The following CDH26 variants were observed in gnomAD, a reference collection of about 807,000 sequenced individuals.
CDH26 encodes the protein cadherin 26.
In CDH26, 83 loss-of-function variants were observed where a neutral mutation model predicts 90.3. That is an observed-to-expected ratio of 0.92 (90% CI 0.77 to 1.10). The LOEUF is 1.10. Among genes scored for constraint, CDH26 ranks in the 50% least tolerant of loss-of-function variants. CDH26 has a pLI of 0.00. For synonymous variants in CDH26, 397 were observed against 396.3 expected, an observed-to-expected ratio of 1.00 and a Z score of -0.02; for missense variants, 1,013 against 1,037.6, an observed-to-expected ratio of 0.98 and a Z score of 0.33.
intron 17 of CDH26, among the ~76,000 whole-genome samples, chr20:60,009,439 C>T (rs1025565247): frequency 1.3e-5 from 2 of 152,238 alleles, no homozygotes; most frequent in Non-Finnish European, 2.9e-5. Context: ...CGCACACACA[C>T]GTGAACGCAT....
chr20:59,983,217 G>A (rs990885581), intron 5 of CDH26, 147 bp downstream of exon 5: 28 of 910,298 alleles, frequency 3.1e-5, no homozygotes, highest in Middle Eastern at 3.3e-4. Context: ...GGATCTGAGC[G>A]AAATGCTTTG....
intron 17 of CDH26, among the ~76,000 whole-genome samples, chr20:60,007,187 G>A (rs573010998): frequency 9.2e-5 from 14 of 152,256 alleles, no homozygotes; most frequent in African/African-American, 3.1e-4. Flanking sequence ...CAAAGGCTCC[G>A]TCTTCAAATG....
chr20:60,019,865 T>C lies in CDH26; in HGVS notation c.948-11366T>C, dbSNP rs138339529. 6.7e-4 allele frequency among the ~76,000 whole-genome samples: 102 copies of C among 152,312 alleles called. 3 individuals are homozygous for C. The East Asian group carries it at 0.015, about 23-fold the overall frequency. Reference sequence around the variant, plus strand: ...GGAGTAGGTTTCATATGGAAAAACTTATTCATATAGATGGGTTTTGGGGTG... The same window carrying C: ...GGAGTAGGTTTCATATGGAAAAACTCATTCATATAGATGGGTTTTGGGGTG... On this transcript the variant is annotated intron_variant, in intron 7 of 8. Transcript: ENST00000370991.
chr20:59,971,140 C>T (rs753188), intron 3 of CDH26, among the ~76,000 whole-genome samples: 8,415 of 152,216 alleles, frequency 0.055, 744 homozygotes, highest in African/African-American at 0.18. Context: ...TGATTAAGTT[C>T]TGCTATAGCT....
intron 7 of CDH26, chr20:60,031,099 A>G (rs1050107134): frequency 3.1e-6 from 3 of 967,576 alleles, no homozygotes; most frequent in Non-Finnish European, 3.7e-6. Flanking sequence ...GCCATGTAGG[A>G]TAACTTCCTG....
chr20:60,003,719 A>G (rs549250142), intron 16 of CDH26, among the ~76,000 whole-genome samples: 2 of 152,344 alleles, frequency 1.3e-5, no homozygotes, highest in South Asian at 2.1e-4. Flanking sequence ...TATTGAAATA[A>G]TTTGTAAATA....
At chr20:60,003,946 A>C (rs2061708768) in intron 16 of CDH26, among the ~76,000 whole-genome samples, 1 of 152,168 alleles carries the variant, frequency 6.6e-6, no homozygotes, top group South Asian at 2.1e-4. Flanking sequence ...CCAGGCTGGA[A>C]ACTGACACGG....
Position 59,992,565 on chromosome 20 carries a change from C to T in CDH26, c.1426+45C>T. 6.2e-7 allele frequency: 1 copy of T among 1,603,330 alleles called. No homozygotes were observed. Among genetic ancestry groups the T allele is most frequent in the Non-Finnish European group, 8.5e-7 (1 of 1,170,870 alleles). ...TGGAAAAATAAAATGCTCATTCTTG[C>T]TTCCTGCGGGAAAATAACCCTGGTG... On this transcript the variant is annotated intron_variant, in intron 10 of 17. Coordinates refer to ENST00000348616, the MANE Select transcript of CDH26 (RefSeq NM_177980.4). This position sits in a 1 kb window ranked among gnomAD's most constrained non-coding sequence, Gnocchi z 5.0.
At chr20:59,995,681 G>A in intron 11 of CDH26, 152 bp from the exon 12 acceptor site, 2 of 645,650 alleles carry the variant, frequency 3.1e-6, no homozygotes, top group South Asian at 1.9e-5. Flanking sequence ...GATGTCAGAA[G>A]TGAGGGTACC....
intron 4 of CDH26, among the ~76,000 whole-genome samples, chr20:59,979,381 T>G (rs757116257): frequency 2.0e-5 from 3 of 151,838 alleles, no homozygotes; most frequent in Non-Finnish European, 4.4e-5. Context: ...TGTGTTTTAG[T>G]AGAGATAGGG....
chr20:59,984,994 C>T lies in CDH26; in HGVS notation c.709-7C>T. 1 of 1,613,624 alleles carries T rather than the reference C, an allele frequency of 6.2e-7. No homozygotes were observed. Among genetic ancestry groups the T allele is most frequent in the Non-Finnish European group, 8.5e-7 (1 of 1,179,704 alleles). On this transcript the variant is annotated splice_region_variant and splice_polypyrimidine_tract_variant and intron_variant, in intron 6 of 17. Transcript: ENST00000348616. The stretch of plus-strand genomic sequence containing the variant: ...AGGGGCTTAACTTTCCTTTTCCTCC[C>T]ACATAGACCGCTCCTCAGTTTACAC...
In CDH26 at chr20:60,030,738, A is replaced by T. The variant is rs1247802689; in HGVS notation, c.948-493A>T. On this transcript the variant is annotated intron_variant, in intron 7 of 8. Transcript: ENST00000370991. The surrounding 1 kb of genome is among the most constrained non-coding windows in gnomAD (Gnocchi z 4.0). ...AGGCAGAGTGGTTGGGGGCCACCAG[A>T]TGTGGGAAGCATGGAAGTGAGCTGA... 6.6e-6 allele frequency among the ~76,000 whole-genome samples: 1 copy of T among 152,120 alleles called. No individual in the cohort carries two copies. Among genetic ancestry groups the T allele is most frequent in the African/African-American group, 2.4e-5 (1 of 41,410 alleles).
At chr20:59,983,376 A>G (rs995913341) in intron 5 of CDH26, among the ~76,000 whole-genome samples, 7 of 152,242 alleles carry the variant, frequency 4.6e-5, no homozygotes, top group African/African-American at 1.7e-4. Context: ...ATATCTCTGC[A>G]CATTTTTTGT....
intron 4 of CDH26, among the ~76,000 whole-genome samples, chr20:59,977,714 G>A (rs1357156013): frequency 2.8e-5 from 4 of 143,360 alleles, no homozygotes; most frequent in African/African-American, 1.1e-4. Flanking sequence ...TTTTGCAGTA[G>A]TGTGTGCATT....
intron 13 of CDH26, 93 bp downstream of exon 13, chr20:59,996,854 T>C: frequency 6.6e-7 from 1 of 1,515,260 alleles, no homozygotes; most frequent in Non-Finnish European, 9.0e-7. Context: ...TGCCACCTCT[T>C]AATTCTTCAC....
rs2061437788 is a variant in CDH26 at position 59,985,063 on chromosome 20, C to T, written c.771C>T (p.Ser257=). 1 of 1,614,010 alleles carries T rather than the reference C, an allele frequency of 6.2e-7. No homozygotes were observed. Among genetic ancestry groups the T allele is most frequent in the Non-Finnish European group, 8.5e-7 (1 of 1,179,996 alleles). ...ACTGTGGAGAACCGTCACTGTCATCCACGACCACCGTTCACGTGGATGTGC... is the reference window on the plus strand; with the variant it reads ...ACTGTGGAGAACCGTCACTGTCATCTACGACCACCGTTCACGTGGATGTGC... ...ARDCGEPSLS[S]TTTVHVDVQE... The change falls in exon 7 of 18, where the codon TCC becomes TCT. Residue 257 remains serine (S), a synonymous_variant. Transcript: ENST00000348616.
intron 7 of CDH26, among the ~76,000 whole-genome samples, chr20:60,028,731 T>C (rs745927634): frequency 6.6e-6 from 1 of 152,128 alleles, no homozygotes; most frequent in African/African-American, 2.4e-5. Flanking sequence ...ACACTGCTGA[T>C]TGGAATGTAA....
At chr20:59,980,204 A>G (rs763738128) in intron 4 of CDH26, among the ~76,000 whole-genome samples, 88 of 152,128 alleles carry the variant, frequency 5.8e-4, no homozygotes, top group Admixed American at 2.2e-3. Context: ...GGATTTCCCT[A>G]GTGACAAATG....
At chr20:59,993,555 C>T (rs1366675947) in intron 10 of CDH26, among the ~76,000 whole-genome samples, 1 of 152,164 alleles carries the variant, frequency 6.6e-6, no homozygotes, top group Non-Finnish European at 1.5e-5. Flanking sequence ...GAAGAATGGC[C>T]TCCAGCTCTA....
Sources: gnomAD v4.1 joint callset for allele counts (sites outside exome capture counted in the v4.1 genomes callset) on GRCh38, gnomAD v4.1.1 for gene constraint, Gnocchi (gnomAD v3.1) non-coding constraint, MANE v1.5 for transcripts, NCBI Gene and HGNC (gene_info 2026-07-23, HGNC 2026-07-21) for gene names.